SNX2: variants seen among roughly 807,000 people sequenced by gnomAD.
The protein encoded by SNX2 is sorting nexin-2.
A neutral mutation model predicts 69.9 loss-of-function variants in SNX2; 25 were observed. The ratio of observed to expected loss-of-function variants is 0.36; its 90% CI spans 0.26 to 0.50. SNX2 has a LOEUF of 0.50. Ranked by LOEUF, SNX2 falls within the 20% of genes least tolerant of loss-of-function variation. SNX2 has a pLI of 0.97. For synonymous variants in SNX2, 229 were observed against 200.4 expected (o/e 1.14, Z -1.20); for missense variants, 551 against 613.3 (o/e 0.90, Z 1.07).
In SNX2 at chr5:122,829,775, T is replaced by TATAC. The variant is rs370947821; in HGVS notation, c.*128_*129insTACA. 5 of 525,592 alleles carry TATAC rather than the reference T, an allele frequency of 9.5e-6. No individual in the cohort carries two copies. Among genetic ancestry groups the TATAC allele is most frequent in the Non-Finnish European group, 1.4e-5 (4 of 279,706 alleles). The allele number at this position is 525,592 out of a possible 1,614,324, so 32.6% of individuals were successfully genotyped here. A position where few individuals can be genotyped will look rare whatever the true frequency, so the allele number is the denominator to read the frequency against. On this transcript the variant is annotated 3_prime_UTR_variant, in exon 15 of 15. Transcript: ENST00000379516. The stretch of plus-strand genomic sequence containing the variant: ...TTTATGAATTACATGTGGTTTTATA[T>TATAC]ACACACACACACACACACACACACA...
chr5:122,801,959 T>A, intron 4 of SNX2, 24 bp downstream of exon 4: 1 of 1,559,334 alleles, frequency 6.4e-7, no homozygotes, highest in Non-Finnish European at 8.8e-7. Flanking sequence ...TATTATATTT[T>A]GTATTTACTT....
At chr5:122,810,337 C>G (rs914621683) in intron 7 of SNX2, among the ~76,000 whole-genome samples, 30 of 146,798 alleles carry the variant, frequency 2.0e-4, no homozygotes, top group Non-Finnish European at 3.3e-4. Flanking sequence ...GACCTTCCCT[C>G]CACTATTGTC....
rs1430469039 is a variant in SNX2, at chr5:122,831,972, A to G, written c.*2324A>G. ...AGCCTCTGATACCTACCAGTATTTA[A>G]ACAGGATTTAATTATTTCAACACTT... On this transcript the variant is annotated 3_prime_UTR_variant, in exon 15 of 15. Transcript: ENST00000379516. Among the ~76,000 whole-genome samples the G allele has an allele frequency of 6.6e-6, 1 of 152,212 alleles. No individual in the cohort carries two copies. The highest frequency in any genetic ancestry group is 2.4e-5 in the African/African-American group (1 of 41,452).
chr5:122,807,573 T>C (rs1753686324), intron 6 of SNX2, among the ~76,000 whole-genome samples: 1 of 152,226 alleles, frequency 6.6e-6, no homozygotes, highest in Admixed American at 6.5e-5. Flanking sequence ...TTGTAGCATA[T>C]ATCAATACCT....
chr5:122,803,463 C>T lies in SNX2; in HGVS notation c.502-9C>T, dbSNP rs746939515. 2 of 1,593,204 alleles carry T rather than the reference C, an allele frequency of 1.3e-6. No homozygotes were observed. Among genetic ancestry groups the T allele is most frequent in the Non-Finnish European group, 1.7e-6 (2 of 1,172,996 alleles). ...TTCAAAATTTGAAACACCTCTTCTTCACTTGTAGACATCTCTTTCCATGTT... is the reference window on the plus strand; with the variant it reads ...TTCAAAATTTGAAACACCTCTTCTTTACTTGTAGACATCTCTTTCCATGTT... On this transcript the variant is annotated splice_polypyrimidine_tract_variant and intron_variant, in intron 5 of 14. Coordinates refer to ENST00000379516, the MANE Select transcript of SNX2 (RefSeq NM_003100.4).
chr5:122,816,984 G>A lies in SNX2; in HGVS notation c.868G>A (p.Asp290Asn), dbSNP rs528974683. 8 of 1,613,884 alleles carry A rather than the reference G, an allele frequency of 5.0e-6. No individual in the cohort carries two copies. Among genetic ancestry groups the A allele is most frequent in the East Asian group, 2.2e-5 (1 of 44,868 alleles). Residue 290 changes from aspartate (D) to asparagine (N), a missense_variant, in exon 9 of 15, where the codon GAC becomes AAC. Physicochemically the swap from Asp to Asn is conservative, Grantham distance 23. Coordinates refer to ENST00000379516, the MANE Select transcript of SNX2 (RefSeq NM_003100.4). ...GILRMVNKAA[D>N]AVNKMTIKMN... ...ATTGAGGATGGTGAACAAGGCTGCC[G>A]ACGCTGTCAACAAAATGACAATCAA...
intron 6 of SNX2, among the ~76,000 whole-genome samples, chr5:122,804,433 T>G (rs1753588247): frequency 6.6e-6 from 1 of 151,064 alleles, no homozygotes; most frequent in Non-Finnish European, 1.5e-5. Context: ...TGGTGCAATC[T>G]TGGCTCACTG....
intron 2 of SNX2, among the ~76,000 whole-genome samples, chr5:122,796,956 C>T (rs980854889): frequency 2.6e-5 from 4 of 152,150 alleles, no homozygotes; most frequent in African/African-American, 9.7e-5. Flanking sequence ...TTAGACAGGT[C>T]TCACTCTGTC....
intron 6 of SNX2, among the ~76,000 whole-genome samples, chr5:122,806,161 C>G (rs1380242020): frequency 1.4e-5 from 2 of 147,116 alleles, no homozygotes; most frequent in Non-Finnish European, 3.0e-5. Context: ...CACACACACA[C>G]ACACACAGCC....
chr5:122,815,906 A>G lies in SNX2; in HGVS notation c.733A>G (p.Arg245Gly). 1 of 1,597,136 alleles carries G rather than the reference A, an allele frequency of 6.3e-7. No individual in the cohort carries two copies. The highest frequency in any genetic ancestry group is 1.1e-5 in the South Asian group (1 of 88,450). ...RRAALERYLQ[R>G]TVKHPTLLQD... ...TACTCTTAAATCTAGGTATCTTCAA[A>G]GAACAGTAAAACATCCAACTTTACT... is the stretch of plus-strand genomic sequence containing the variant. The change falls in exon 8 of 15, where the codon AGA (arginine) becomes GGA (glycine). Residue 245 changes from arginine to glycine, a missense_variant. Coordinates refer to ENST00000379516, the MANE Select transcript of SNX2 (RefSeq NM_003100.4).
chr5:122,817,487 A>AT, intron 10 of SNX2, 114 bp downstream of exon 10: 1 of 683,468 alleles, frequency 1.5e-6, no homozygotes, highest in Non-Finnish European at 2.3e-6. Context: ...GAAAACAATC[A>AT]TTTAAGACAA....
At chr5:122,800,193 A>C (rs1753476371) in intron 3 of SNX2, among the ~76,000 whole-genome samples, 1 of 152,286 alleles carries the variant, frequency 6.6e-6, no homozygotes, top group African/African-American at 2.4e-5. Flanking sequence ...TATTTGATAA[A>C]ATTTGTAATA....
intron 1 of SNX2, among the ~76,000 whole-genome samples, chr5:122,778,913 A>G (rs1274328365): frequency 6.6e-6 from 1 of 152,170 alleles, no homozygotes; most frequent in Non-Finnish European, 1.5e-5. Flanking sequence ...CAAAAAAGGG[A>G]TGGAGACAGA....
intron 1 of SNX2, among the ~76,000 whole-genome samples, chr5:122,793,454 G>T (rs1753291210): frequency 6.6e-6 from 1 of 152,190 alleles, no homozygotes; most frequent in Admixed American, 6.5e-5. Context: ...GCATGGTAAA[G>T]AATGGGAGGG....
At chr5:122,791,735 A>G (rs1394968909) in intron 1 of SNX2, among the ~76,000 whole-genome samples, 1 of 152,236 alleles carries the variant, frequency 6.6e-6, no homozygotes, top group Non-Finnish European at 1.5e-5. Flanking sequence ...TTATAGTAAT[A>G]TAGAACATCT....
chr5:122,782,582 C>CT (rs1319810798), intron 1 of SNX2, among the ~76,000 whole-genome samples: 17 of 151,994 alleles, frequency 1.1e-4, no homozygotes, highest in South Asian at 2.1e-4. Context: ...GCTGCCCAGG[C>CT]TAGAGAGCAG....
chr5:122,815,810 T>TC lies in SNX2; in HGVS notation c.723-84dup, dbSNP rs143960561. ...ACGAGGTAGTGAGGACACTTTTTTT[T>TC]CCTAGTATTTCTATTTTTTTATCAT... On this transcript the variant is annotated intron_variant, in intron 7 of 14. Coordinates refer to ENST00000379516, the MANE Select transcript of SNX2 (RefSeq NM_003100.4). The TC allele has an allele frequency of 2.7e-3, 1,732 of 646,266 alleles. 26 individuals are homozygous for TC. The African/African-American group carries it at 0.028, about 11-fold the overall frequency. 40.0% of individuals were successfully genotyped at this position (646,266 alleles called of 1,614,324 possible).
At chr5:122,781,838 CATA>C (rs1330770009) in intron 1 of SNX2, among the ~76,000 whole-genome samples, 1 of 151,862 alleles carries the variant, frequency 6.6e-6, no homozygotes, top group African/African-American at 2.4e-5. Context: ...AAAGATTATA[CATA>C]ATTTTATAAA....
At chr5:122,809,080 A>G (rs1753713218) in intron 7 of SNX2, among the ~76,000 whole-genome samples, 1 of 152,178 alleles carries the variant, frequency 6.6e-6, no homozygotes, top group Non-Finnish European at 1.5e-5. Flanking sequence ...AAAAATAATT[A>G]CATCTATACT....
Sources: allele counts gnomAD v4.1 joint callset (sites outside exome capture counted in the v4.1 genomes callset), GRCh38; gene constraint gnomAD v4.1.1; transcripts MANE v1.5; gene names NCBI Gene and HGNC (gene_info 2026-07-23, HGNC 2026-07-21).